The following CSMD1 variants were observed in gnomAD, a reference collection of about 807,000 sequenced individuals.
The protein encoded by CSMD1 is CUB and Sushi multiple domains 1, also known as CUB and sushi domain-containing protein 1.
Under a neutral mutation model 417.5 loss-of-function variants are expected in CSMD1, and 213 were observed. That is an observed-to-expected ratio of 0.51 (90% confidence interval 0.46 to 0.57). The LOEUF is 0.57. Ranked by LOEUF, CSMD1 falls within the 20% of genes least tolerant of loss-of-function variation. The pLI is 0.00. For synonymous variants in CSMD1, 2,862 were observed against 1,736.8 expected, an observed-to-expected ratio of 1.65 and a Z score of -16.11; for missense variants, 6,923 against 4,529.7, an observed-to-expected ratio of 1.53 and a Z score of -15.17.
Position 3,741,385 on chromosome 8 carries a change from G to C in CSMD1, c.931+12545C>G, listed in dbSNP as rs114167843. On this transcript the variant is annotated intron_variant, in intron 6 of 69. Coordinates refer to ENST00000635120, the MANE Select transcript of CSMD1 (RefSeq NM_033225.6). ...GAGACCGAAGGGGAATGTATCACAG[G>C]ATGGCATATAGGGCCAGGTTATCCC... 7.5e-3 allele frequency among the ~76,000 whole-genome samples: 1,147 copies of C among 152,236 alleles called. 11 individuals carry two copies. The highest frequency in any genetic ancestry group is 0.034 in the Middle Eastern group (10 of 294).
intron 3 of CSMD1, among the ~76,000 whole-genome samples, chr8:4,207,246 C>T (rs1038974040): frequency 4.6e-5 from 7 of 152,002 alleles, no homozygotes; most frequent in African/African-American, 1.7e-4. Context: ...GCCAGCATTC[C>T]CATTATTTCA....
intron 2 of CSMD1, among the ~76,000 whole-genome samples, chr8:4,555,211 C>T (rs544762313): frequency 1.3e-5 from 2 of 152,070 alleles, no homozygotes; most frequent in Non-Finnish European, 2.9e-5. Flanking sequence ...AGAATGAATG[C>T]AGGAAGACCA....
At chr8:4,220,770 G>A (rs1299951230) in intron 3 of CSMD1, among the ~76,000 whole-genome samples, 2 of 152,210 alleles carry the variant, frequency 1.3e-5, no homozygotes, top group Non-Finnish European at 1.5e-5. Flanking sequence ...AGAATATGGG[G>A]CCACCCAAGA....
In CSMD1 at chr8:4,165,919, T is replaced by G. The variant is rs191392289; in HGVS notation, c.416-133820A>C. Among the ~76,000 whole-genome samples, 159 of 152,312 alleles carry G rather than the reference T, an allele frequency of 1.0e-3. 1 individual carries two copies. The highest frequency in any genetic ancestry group is 3.7e-3 in the African/African-American group (153 of 41,574). On this transcript the variant is annotated intron_variant, in intron 3 of 69. Transcript: ENST00000635120. ...CCTAGCACAGTATCAGATATATATA[T>G]ACTGGATAAACTATCATTACTCTTA...
intron 8 of CSMD1, among the ~76,000 whole-genome samples, chr8:3,590,445 A>G (rs991932343): frequency 2.6e-5 from 4 of 152,136 alleles, no homozygotes; most frequent in African/African-American, 4.8e-5. Context: ...CCACCAAAGG[A>G]AAGTTTTCAA....
intron 3 of CSMD1, among the ~76,000 whole-genome samples, chr8:4,282,893 T>C (rs1465771574): frequency 1.3e-5 from 2 of 152,214 alleles, no homozygotes; most frequent in Non-Finnish European, 2.9e-5. Flanking sequence ...ACATTAATGG[T>C]TGAACTTACC....
At chr8:4,698,277 C>T (rs893748442) in intron 1 of CSMD1, among the ~76,000 whole-genome samples, 1 of 151,942 alleles carries the variant, frequency 6.6e-6, no homozygotes, top group African/African-American at 2.4e-5. Context: ...GTGTCGAATG[C>T]TGTATAAAGG....
intron 23 of CSMD1, among the ~76,000 whole-genome samples, chr8:3,324,435 T>G (rs11776502): frequency 2.4e-5 from 2 of 83,650 alleles, no homozygotes; most frequent in Non-Finnish European, 4.5e-5. Context: ...CACCTAATCC[T>G]CAGAGACCCA....
At chr8:3,695,519 G>A (rs1186455165) in intron 7 of CSMD1, among the ~76,000 whole-genome samples, 1 of 152,080 alleles carries the variant, frequency 6.6e-6, no homozygotes, top group Admixed American at 6.5e-5. Context: ...AGATACAGAA[G>A]AGAACAATAA....
chr8:3,802,020 A>C (rs1585021041), intron 5 of CSMD1, among the ~76,000 whole-genome samples: 1 of 152,276 alleles, frequency 6.6e-6, no homozygotes, highest in South Asian at 2.1e-4. Flanking sequence ...TGATGACTGC[A>C]CGATGATGTA....
At chr8:3,588,554 T>C (rs1272249452) in intron 8 of CSMD1, among the ~76,000 whole-genome samples, 1 of 152,154 alleles carries the variant, frequency 6.6e-6, no homozygotes, top group African/African-American at 2.4e-5. Context: ...CACCAATCCT[T>C]AGTCATGGAG....
At chr8:3,020,225 C>G (rs1243270801) in intron 51 of CSMD1, among the ~76,000 whole-genome samples, 1 of 152,192 alleles carries the variant, frequency 6.6e-6, no homozygotes, top group Non-Finnish European at 1.5e-5. Flanking sequence ...ATCCCTCGCA[C>G]ATAAGCAGGC....
chr8:3,363,018 A>T (rs12682586), intron 20 of CSMD1, among the ~76,000 whole-genome samples: 35,696 of 152,214 alleles, frequency 0.23, 4,288 homozygotes, highest in African/African-American at 0.29. Context: ...TACTTATGTT[A>T]TCTGCCCTCC....
chr8:3,243,933 A>G (rs1936876575), intron 26 of CSMD1, among the ~76,000 whole-genome samples: 1 of 152,134 alleles, frequency 6.6e-6, no homozygotes, highest in African/African-American at 2.4e-5. Flanking sequence ...GTTATGTAAA[A>G]TTTTATTTGT....
chr8:4,565,174 GAAAAACAATAACA>G (rs1798530608), intron 2 of CSMD1, among the ~76,000 whole-genome samples: 1 of 152,112 alleles, frequency 6.6e-6, no homozygotes, highest in African/African-American at 2.4e-5. Context: ...TTCCAATGAT[GAAAAACAATAACA>G]ATAGCTTTTC....
chr8:4,161,136 C>A (rs1340562946), intron 3 of CSMD1, among the ~76,000 whole-genome samples: 5 of 150,110 alleles, frequency 3.3e-5, no homozygotes. Flanking sequence ...AAAAAAAAGT[C>A]ATGTCTTAAG....
rs1470436188 is a variant in CSMD1 at position 3,308,316 on chromosome 8, G to A, written c.3819C>T (p.Cys1273=). The A allele has an allele frequency of 3.7e-6, 6 of 1,605,102 alleles. No individual in the cohort carries two copies. Among genetic ancestry groups the A allele is most frequent in the Admixed American group, 1.7e-5 (1 of 59,848 alleles). ...TATGACTGCTTCCACACTCACCTAT[G>A]CACGAAGGTAGTGGTTTGTCCCACA... The part of the protein sequence containing the change: ...RRVWDKPLPS[C]IAECGGQIHA... Residue 1273 remains cysteine (C), a synonymous_variant, in exon 24 of 70, where the codon TGC becomes TGT. Transcript: ENST00000635120.
chr8:3,968,793 C>G (rs768785926), intron 5 of CSMD1, among the ~76,000 whole-genome samples: 2 of 152,100 alleles, frequency 1.3e-5, no homozygotes, highest in South Asian at 2.1e-4. Flanking sequence ...AATTACAATA[C>G]AAAATTAACA....
At chr8:3,460,173 G>T (rs1816405920) in intron 12 of CSMD1, among the ~76,000 whole-genome samples, 1 of 152,196 alleles carries the variant, frequency 6.6e-6, no homozygotes, top group Non-Finnish European at 1.5e-5. Flanking sequence ...AATCTAGGAT[G>T]TGAGGCTTAT....
Sources: allele counts gnomAD v4.1 joint callset (sites outside exome capture counted in the v4.1 genomes callset), GRCh38; gene constraint gnomAD v4.1.1; transcripts MANE v1.5; gene names NCBI Gene and HGNC (gene_info 2026-07-23, HGNC 2026-07-21).